Variants in CHD2 observed in about 807,000 individuals in gnomAD.
The protein encoded by CHD2 is chromodomain helicase DNA binding protein 2, also known as ATP-dependent chromatin remodeler CHD2.
CHD2 carries 28 observed loss-of-function variants against 243.9 expected under a neutral mutation model. The ratio of observed to expected loss-of-function variants is 0.11; its 90% confidence interval spans 0.09 to 0.16. The LOEUF (loss-of-function observed/expected upper bound fraction) is 0.16, where lower values mean the gene tolerates loss of function less well. Ranked by LOEUF, CHD2 falls within the 10% of genes least tolerant of loss-of-function variation. The pLI, the probability that CHD2 is intolerant of heterozygous loss-of-function variation, is 1.00. For synonymous variants in CHD2, 775 were observed against 779.0 expected, an observed-to-expected ratio of 0.99 and a Z score of 0.09; for missense variants, 1,386 against 2,209.8, an observed-to-expected ratio of 0.63 and a Z score of 7.47.
intron 13 of CHD2, among the ~76,000 whole-genome samples, chr15:92,952,245 CTG>C (rs2053563094): frequency 6.6e-6 from 1 of 152,126 alleles, no homozygotes; most frequent in Admixed American, 6.5e-5. Context: ...GTTTCTCAAA[CTG>C]TGGTTTTAAG....
chr15:93,016,693 A>T (rs1481619562), intron 37 of CHD2, among the ~76,000 whole-genome samples: 1 of 146,234 alleles, frequency 6.8e-6, no homozygotes, highest in Admixed American at 7.3e-5. Context: ...GAGGTGGGAG[A>T]ATTTCTTAGG....
intron 6 of CHD2, among the ~76,000 whole-genome samples, chr15:92,937,876 A>G (rs995933371): frequency 6.6e-6 from 1 of 152,236 alleles, no homozygotes; most frequent in African/African-American, 2.4e-5. Flanking sequence ...TGGCCAGGGT[A>G]CAGTCTCTTT....
At chr15:92,949,262 T>C in intron 13 of CHD2, 186 bp downstream of exon 13, 1 of 1,386,326 alleles carries the variant, frequency 7.2e-7, no homozygotes, top group Non-Finnish European at 9.4e-7. Flanking sequence ...TATGTATGTG[T>C]AATACCATTT....
At chr15:92,948,807 C>T (rs2053511844) in intron 12 of CHD2, 145 bp from the exon 13 acceptor site, 2 of 855,132 alleles carry the variant, frequency 2.3e-6, no homozygotes, top group South Asian at 3.8e-5. Context: ...CCACTGCACT[C>T]CAGCCTGGGT....
At chr15:93,008,634 T>C (rs2054352271) in intron 34 of CHD2, among the ~76,000 whole-genome samples, 1 of 152,198 alleles carries the variant, frequency 6.6e-6, no homozygotes, top group African/African-American at 2.4e-5. Flanking sequence ...TGGGCTTGTC[T>C]CTTTTAAGGA....
chr15:93,002,461 G>C (rs1396836855), intron 33 of CHD2, 144 bp downstream of exon 33: 6 of 1,330,608 alleles, frequency 4.5e-6, no homozygotes, highest in Non-Finnish European at 6.0e-6. Flanking sequence ...GCCGTTGATG[G>C]GATACCTGCA....
At position 92,968,102 on chromosome 15, in the gene CHD2, C is replaced by T. The variant is rs890852453; in HGVS notation, c.2189+589C>T. ...TGCATTTTGATTGGTTGGTATGTCT[C>T]TTAAGTATATTTTAATCAATTTATT... On this transcript the variant is annotated intron_variant, in intron 17 of 38. Transcript: ENST00000394196. Among the ~76,000 whole-genome samples, 3 of 145,072 alleles carry T rather than the reference C, an allele frequency of 2.1e-5. No individual in the cohort carries two copies. The Admixed American group carries it at 2.2e-4, about 11-fold the overall frequency.
intron 37 of CHD2, 107 bp from the exon 38 acceptor site, chr15:93,019,905 C>T: frequency 7.3e-7 from 1 of 1,366,946 alleles, no homozygotes; most frequent in Non-Finnish European, 9.9e-7. Context: ...TGCACTCCAG[C>T]CTGGGCAAAC....
chr15:93,018,416 G>A (rs1273486686), intron 37 of CHD2, among the ~76,000 whole-genome samples: 1 of 152,206 alleles, frequency 6.6e-6, no homozygotes, highest in African/African-American at 2.4e-5. Flanking sequence ...TGGAAGGCCA[G>A]TAAAATGAGT....
chr15:92,995,878 CACAA>C (rs2054180976), intron 28 of CHD2, among the ~76,000 whole-genome samples: 1 of 152,186 alleles, frequency 6.6e-6, no homozygotes, highest in African/African-American at 2.4e-5. Context: ...TCACAAGCCT[CACAA>C]ACAGAATATA....
intron 7 of CHD2, among the ~76,000 whole-genome samples, chr15:92,941,472 G>A (rs2053381883): frequency 6.6e-6 from 1 of 151,602 alleles, no homozygotes; most frequent in Non-Finnish European, 1.5e-5. Flanking sequence ...TTCCATTATG[G>A]TTTTTCTTTT....
intron 28 of CHD2, among the ~76,000 whole-genome samples, chr15:92,993,635 T>C (rs17610487): frequency 0.37 from 56,359 of 152,004 alleles, 11,548 homozygotes; most frequent in East Asian, 0.8. Flanking sequence ...GACACCCTCA[T>C]AGTGAACTTT....
At position 93,004,622 on chromosome 15, in the gene CHD2, A is replaced by G. The variant is rs35339954; in HGVS notation, c.4284A>G (p.Lys1428=). ...TTGTAACTCTTTTTTAAAAGCCTAA[A>G]AGTGGTGATGCCAAATCTTCGAGTA... is the stretch of plus-strand genomic sequence containing the variant. The part of the protein sequence containing the change: ...KKSKDKKEKP[K]SGDAKSSSKS... The change falls in exon 34 of 39, where the codon AAA becomes AAG. Residue 1428 remains lysine (K), a synonymous_variant. Transcript: ENST00000394196. 4.7e-4 allele frequency: 752 copies of G among 1,611,420 alleles called. 4 individuals are homozygous for G. The African/African-American group carries it at 9.3e-3, about 20-fold the overall frequency.
At chr15:92,933,305 G>T (rs936244221) in intron 5 of CHD2, among the ~76,000 whole-genome samples, 21 of 152,162 alleles carry the variant, frequency 1.4e-4, no homozygotes, top group African/African-American at 4.6e-4. Context: ...AATTGAGAGT[G>T]CATAACAATC....
intron 16 of CHD2, among the ~76,000 whole-genome samples, chr15:92,957,955 T>A (rs928906861): frequency 3.3e-5 from 5 of 151,944 alleles, no homozygotes; most frequent in African/African-American, 1.2e-4. Flanking sequence ...ACTTAGCATA[T>A]TTTTTTTGAG....
intron 5 of CHD2, among the ~76,000 whole-genome samples, chr15:92,933,337 G>A (rs2053209025): frequency 6.6e-6 from 1 of 152,154 alleles, no homozygotes; most frequent in South Asian, 2.1e-4. Context: ...CTTCTTTTGA[G>A]AAAATTTGGT....
At chr15:93,005,278 G>A (rs2054306099) in intron 34 of CHD2, among the ~76,000 whole-genome samples, 1 of 152,182 alleles carries the variant, frequency 6.6e-6, no homozygotes, top group African/African-American at 2.4e-5. Context: ...GTGTAAGGAA[G>A]TGATGTTTGA....
At chr15:93,003,817 G>A (rs553109775) in intron 33 of CHD2, among the ~76,000 whole-genome samples, 3 of 122,160 alleles carry the variant, frequency 2.5e-5, no homozygotes, top group Admixed American at 7.8e-5. Context: ...AAAGCATACT[G>A]TATGCTTAAA....
At chr15:92,915,733 A>T (rs571814157) in intron 2 of CHD2, among the ~76,000 whole-genome samples, 55 of 152,348 alleles carry the variant, frequency 3.6e-4, no homozygotes, top group African/African-American at 1.3e-3. Context: ...TTGTGAAAGG[A>T]AAATAAATCT....
Sources: gnomAD v4.1 joint callset for allele counts (sites outside exome capture counted in the v4.1 genomes callset) on GRCh38, gnomAD v4.1.1 for gene constraint, MANE v1.5 for transcripts, NCBI Gene and HGNC (gene_info 2026-07-23, HGNC 2026-07-21) for gene names.